The following PLA2G10 variants were observed in gnomAD, a reference collection of about 807,000 sequenced individuals.
PLA2G10 encodes the protein phospholipase A2 group X.
PLA2G10 carries 9 observed loss-of-function variants against 7.9 expected under a neutral mutation model. That is an observed-to-expected ratio of 1.14 (90% confidence interval 0.68 to 1.98). The LOEUF is 1.98. PLA2G10 is among the 30% of genes most tolerant of loss of function. The pLI, the probability that PLA2G10 is intolerant of heterozygous loss-of-function variation, is 0.00. For missense variants in PLA2G10, 53 were observed against 65.4 expected (o/e 0.81, Z 0.66); for synonymous variants, 19 against 27.5 (o/e 0.69, Z 0.97).
intron 3 of PLA2G10, among the ~76,000 whole-genome samples, chr16:14,683,522 C>T (rs569515057): frequency 6.6e-6 from 1 of 152,136 alleles, no homozygotes; most frequent in East Asian, 1.9e-4. Flanking sequence ...AGGTGTGAGC[C>T]ACCACTCCTG....
intron 3 of PLA2G10, among the ~76,000 whole-genome samples, chr16:14,681,171 A>G (rs1960880424): frequency 6.7e-6 from 1 of 149,960 alleles, no homozygotes; most frequent in African/African-American, 2.4e-5. Context: ...CTCAAAGAAA[A>G]GAAAAGAGAA....
intron 3 of PLA2G10, among the ~76,000 whole-genome samples, chr16:14,687,108 CA>C (rs559999804): frequency 5.7e-5 from 8 of 139,516 alleles, no homozygotes; most frequent in South Asian, 2.3e-4. Flanking sequence ...AACTCTGTCT[CA>C]AAAAAAAACA....
intron 3 of PLA2G10, among the ~76,000 whole-genome samples, chr16:14,677,741 G>A (rs1404569501): frequency 6.6e-6 from 1 of 151,734 alleles, no homozygotes. Context: ...ATGGATGGAT[G>A]ATGGATGATG....
rs1030081629 is a variant in PLA2G10, at chr16:14,680,990, C to T, written c.355+7175G>A. Among the ~76,000 whole-genome samples the T allele has an allele frequency of 6.6e-5, 10 of 151,820 alleles. No individual in the cohort carries two copies. The South Asian group carries it at 1.0e-3, about 16-fold the overall frequency. The stretch of plus-strand genomic sequence containing the variant: ...CAGCCTGGCCAACATGATGAAACCC[C>T]GTCTCTACTAAAAATACAAAAAAAA... On this transcript the variant is annotated intron_variant, in intron 3 of 3. Transcript: ENST00000438167.
At chr16:14,687,117 A>C (rs1001005423) in intron 3 of PLA2G10, among the ~76,000 whole-genome samples, 11 of 151,802 alleles carry the variant, frequency 7.2e-5, no homozygotes, top group East Asian at 1.9e-4. Context: ...TCAAAAAAAA[A>C]CAAAAAAAAA....
At chr16:14,680,397 G>A (rs1960857443) in intron 3 of PLA2G10, among the ~76,000 whole-genome samples, 1 of 151,296 alleles carries the variant, frequency 6.6e-6, no homozygotes. Flanking sequence ...ACTGTGCCCG[G>A]CCTTTTTTGT....
rs1567500790 is a variant in PLA2G10, at chr16:14,673,020, T to TC, written c.356-272_356-271insG. Reference sequence around the variant, plus strand: ...ACACGATTTCTTTTTTCTTTTCTTTTTTTTTTTTTTTTTTTCTGAGATGGG... The same window carrying TC: ...ACACGATTTCTTTTTTCTTTTCTTTTCTTTTTTTTTTTTTTTCTGAGATGGG... On this transcript the variant is annotated intron_variant, in intron 3 of 3. Transcript: ENST00000438167. 1.1e-3 allele frequency among the ~76,000 whole-genome samples: 157 copies of TC among 149,194 alleles called. 1 individual carries two copies. The highest frequency in any genetic ancestry group is 3.5e-3 in the African/African-American group (143 of 40,794).
At chr16:14,685,989 CTTTTTTTTTTT>C (rs147554543) in intron 3 of PLA2G10, among the ~76,000 whole-genome samples, 2 of 106,774 alleles carry the variant, frequency 1.9e-5, no homozygotes, top group Admixed American at 1.2e-4. Context: ...TTTCTTTACT[CTTTTTTTTTTT>C]TTTTTTTTTT....
At chr16:14,677,780 T>C (rs1268733296) in intron 3 of PLA2G10, among the ~76,000 whole-genome samples, 4 of 147,812 alleles carry the variant, frequency 2.7e-5, no homozygotes, top group African/African-American at 1.0e-4. Context: ...AGATGGATGG[T>C]GGGTGGATGG....
At chr16:14,672,825 G>T in intron 3 of PLA2G10, 76 bp from the exon 4 acceptor site, 1 of 1,393,454 alleles carries the variant, frequency 7.2e-7, no homozygotes, top group Non-Finnish European at 1.0e-6. Context: ...GCAAGAGGCA[G>T]GACGGGTCAT....
At chr16:14,680,553 G>C (rs1273866034) in intron 3 of PLA2G10, among the ~76,000 whole-genome samples, 1 of 152,008 alleles carries the variant, frequency 6.6e-6, no homozygotes, top group East Asian at 1.9e-4. Flanking sequence ...ACTATGCCAG[G>C]GTCTCGCTAT....
At chr16:14,687,560 T>A (rs1279333464) in intron 3 of PLA2G10, among the ~76,000 whole-genome samples, 1 of 152,154 alleles carries the variant, frequency 6.6e-6, no homozygotes, top group African/African-American at 2.4e-5. Context: ...ATCCTCCTTC[T>A]GGTCCCCACC....
chr16:14,683,739 T>C (rs1168437712), intron 3 of PLA2G10, among the ~76,000 whole-genome samples: 1 of 152,142 alleles, frequency 6.6e-6, no homozygotes, highest in Non-Finnish European at 1.5e-5. Context: ...AACTTAACGG[T>C]AAATATTTAT....
intron 3 of PLA2G10, among the ~76,000 whole-genome samples, chr16:14,681,784 T>C (rs1960899396): frequency 6.6e-6 from 1 of 151,826 alleles, no homozygotes; most frequent in South Asian, 2.1e-4. Context: ...GACAGTTCTG[T>C]AAACAGGCAC....
intron 3 of PLA2G10, among the ~76,000 whole-genome samples, chr16:14,687,610 C>T (rs1339066921): frequency 6.6e-6 from 1 of 152,118 alleles, no homozygotes; most frequent in African/African-American, 2.4e-5. Context: ...TGTTTATTAT[C>T]TGATGCCATT....
intron 3 of PLA2G10, among the ~76,000 whole-genome samples, chr16:14,685,018 T>C (rs1961012397): frequency 6.6e-6 from 1 of 152,154 alleles, no homozygotes; most frequent in Non-Finnish European, 1.5e-5. Context: ...ATGTGATCTA[T>C]CCATGCAGTG....
At chr16:14,677,853 A>AGATGGATG (rs66604338) in intron 3 of PLA2G10, among the ~76,000 whole-genome samples, 48 of 146,194 alleles carry the variant, frequency 3.3e-4, no homozygotes, top group Non-Finnish European at 4.8e-4. Context: ...ATGGATGGAT[A>AGATGGATG]GATGGATGGA....
chr16:14,675,678 C>T (rs1267098245), intron 3 of PLA2G10, among the ~76,000 whole-genome samples: 2 of 152,020 alleles, frequency 1.3e-5, no homozygotes, highest in African/African-American at 4.8e-5. Context: ...CGATGGCTCA[C>T]ATCTGTAATC....
chr16:14,674,626 G>T (rs1334424653), intron 3 of PLA2G10, among the ~76,000 whole-genome samples: 8 of 151,898 alleles, frequency 5.3e-5, no homozygotes, highest in Admixed American at 5.3e-4. Context: ...ACTTAAACCT[G>T]GGGGGCAGAG....
Sources: gnomAD v4.1 joint callset for allele counts (sites outside exome capture counted in the v4.1 genomes callset) on GRCh38, gnomAD v4.1.1 for gene constraint, MANE v1.5 for transcripts, NCBI Gene and HGNC (gene_info 2026-07-23, HGNC 2026-07-21) for gene names.